Variants in PPTC7 observed in about 807,000 individuals in gnomAD.
PPTC7 encodes protein phosphatase PTC7 homolog.
Under a neutral mutation model 30.8 loss-of-function variants are expected in PPTC7, and 6 were observed. That is an observed-to-expected ratio of 0.19 (90% CI 0.11 to 0.38). PPTC7 has a LOEUF of 0.38. Among genes scored for constraint, PPTC7 ranks in the 10% least tolerant of loss-of-function variants. PPTC7 has a pLI of 1.00. For synonymous variants in PPTC7, 163 were observed against 168.1 expected (o/e 0.97, Z 0.23); for missense variants, 218 against 404.8 (o/e 0.54, Z 3.96).
At chr12:110,563,629 A>AT (rs200857501) in intron 1 of PPTC7, among the ~76,000 whole-genome samples, 2 of 151,838 alleles carry the variant, frequency 1.3e-5, no homozygotes, top group African/African-American at 4.8e-5. Flanking sequence ...AAAAAAAAAA[A>AT]GTGTGAAAAT....
At chr12:110,572,556 G>C (rs1421729758) in intron 1 of PPTC7, among the ~76,000 whole-genome samples, 8 of 152,364 alleles carry the variant, frequency 5.3e-5, no homozygotes. Flanking sequence ...GTGCAAACGT[G>C]TGTTGGAATT....
intron 1 of PPTC7, among the ~76,000 whole-genome samples, chr12:110,573,647 G>A (rs1323493351): frequency 6.6e-6 from 1 of 152,156 alleles, no homozygotes; most frequent in African/African-American, 2.4e-5. Flanking sequence ...CTTTTCTGAA[G>A]ATGTGTTACT....
At chr12:110,581,313 C>G (rs1210772953) in intron 1 of PPTC7, among the ~76,000 whole-genome samples, 1 of 152,026 alleles carries the variant, frequency 6.6e-6, no homozygotes, top group East Asian at 1.9e-4. Context: ...ACTCGGGAGG[C>G]TGAAGCAGGA....
chr12:110,548,378 C>A (rs770442504), intron 2 of PPTC7, among the ~76,000 whole-genome samples: 7 of 152,120 alleles, frequency 4.6e-5, no homozygotes, highest in Non-Finnish European at 1.0e-4. Flanking sequence ...CCCAGAAATT[C>A]CATTTCCTTG....
Position 110,582,998 on chromosome 12 carries a change from C to G in PPTC7, c.34G>C (p.Ala12Pro). The G allele has an allele frequency of 6.7e-7, 1 of 1,494,664 alleles. No individual in the cohort carries two copies. 92.6% of individuals were successfully genotyped at this position (1,494,664 alleles called of 1,614,324 possible). ...GAGAGGCCGCCGAGCACGGCGCGGGCCACCAGCCGCCCGTACGAGAGGACC... is the reference window on the plus strand; with the variant it reads ...GAGAGGCCGCCGAGCACGGCGCGGGGCACCAGCCGCCCGTACGAGAGGACC... ...FSVLSYGRLVARAVLGGLSQT... is the reference protein window; with the variant it reads ...FSVLSYGRLVPRAVLGGLSQT... The change falls in exon 1 of 6, where the codon GCC (alanine) becomes CCC (proline). Residue 12 changes from alanine (A) to proline (P), a missense_variant. Physicochemically the swap from Ala to Pro is conservative, Grantham distance 27. Coordinates refer to ENST00000354300, the MANE Select transcript of PPTC7 (RefSeq NM_139283.2).
intron 2 of PPTC7, among the ~76,000 whole-genome samples, chr12:110,549,398 A>C (rs994624704): frequency 6.6e-6 from 1 of 152,060 alleles, no homozygotes; most frequent in Middle Eastern, 3.2e-3. Context: ...TACCTAACTA[A>C]CTTATCTGGT....
chr12:110,542,673 C>CAAAAAAAAA (rs765332697), intron 3 of PPTC7, among the ~76,000 whole-genome samples: 6 of 26,788 alleles, frequency 2.2e-4, no homozygotes, highest in African/African-American at 7.1e-4. Context: ...GACTCTGTCT[C>CAAAAAAAAA]AAAAAAAAAA....
chr12:110,551,764 G>A (rs2064351147), intron 2 of PPTC7, 25 bp downstream of exon 2: 7 of 1,599,062 alleles, frequency 4.4e-6, no homozygotes, highest in Non-Finnish European at 6.0e-6. Flanking sequence ...TTCTTTAGAG[G>A]AAAACACATA....
chr12:110,575,899 T>C (rs1040033844), intron 1 of PPTC7, among the ~76,000 whole-genome samples: 1 of 152,094 alleles, frequency 6.6e-6, no homozygotes, highest in Non-Finnish European at 1.5e-5. Flanking sequence ...AAAATAAAGG[T>C]ACCTTAATAA....
rs544368765 is a variant in PPTC7, at chr12:110,555,098, C to T, written c.224-3130G>A. Among the ~76,000 whole-genome samples, 208 of 152,158 alleles carry T rather than the reference C, an allele frequency of 1.4e-3. 1 individual carries two copies. The highest frequency in any genetic ancestry group is 4.8e-3 in the African/African-American group (199 of 41,482). ...GTAGCAGAGTGCCTATATATACATCCCTGAAAAATTGGCTTAACATGAATT... is the reference window on the plus strand; with the variant it reads ...GTAGCAGAGTGCCTATATATACATCTCTGAAAAATTGGCTTAACATGAATT... On this transcript the variant is annotated intron_variant, in intron 1 of 5. Coordinates refer to ENST00000354300, the MANE Select transcript of PPTC7 (RefSeq NM_139283.2).
chr12:110,540,538 G>C (rs1371168057), intron 3 of PPTC7, among the ~76,000 whole-genome samples: 1 of 151,944 alleles, frequency 6.6e-6, no homozygotes, highest in Non-Finnish European at 1.5e-5. Flanking sequence ...TTTTAGTAGA[G>C]ACAGGGTTTT....
At chr12:110,580,987 T>C (rs1470715987) in intron 1 of PPTC7, among the ~76,000 whole-genome samples, 1 of 151,920 alleles carries the variant, frequency 6.6e-6, no homozygotes, top group Non-Finnish European at 1.5e-5. Flanking sequence ...CTTGACCTCA[T>C]GATCCACCCG....
rs534408112 is a variant in PPTC7, at chr12:110,542,699, A to G, written c.603-2754T>C. 2.0e-5 allele frequency among the ~76,000 whole-genome samples: 3 copies of G among 149,448 alleles called. No individual in the cohort carries two copies. The South Asian group carries it at 6.3e-4, about 31-fold the overall frequency. On this transcript the variant is annotated intron_variant, in intron 3 of 5. Coordinates refer to ENST00000354300, the MANE Select transcript of PPTC7 (RefSeq NM_139283.2). The stretch of plus-strand genomic sequence containing the variant: ...AAAAAAAAAAAAAAAAAAAAAAAAA[A>G]GAAAAAGAAACTAAAGAAACTGCTC...
chr12:110,549,339 G>A (rs1437340724), intron 2 of PPTC7, among the ~76,000 whole-genome samples: 1 of 151,922 alleles, frequency 6.6e-6, no homozygotes, highest in Non-Finnish European at 1.5e-5. Flanking sequence ...TTTTATATTG[G>A]AATTGCTTTG....
intron 2 of PPTC7, chr12:110,546,902 C>T (rs376369637): frequency 1.3e-5 from 2 of 152,168 alleles, no homozygotes; most frequent in African/African-American, 2.4e-5. Flanking sequence ...TCACTAGTAA[C>T]GCTTTTCACC....
In PPTC7 at chr12:110,583,063, G is replaced by A; in HGVS notation, c.-32C>T. ...CGCCGCCCCCCCGAGGAGGCGGGGG[G>A]CCGGGGGAGCAGGAGGACGCGGAGG... is the stretch of plus-strand genomic sequence containing the variant. On this transcript the variant is annotated 5_prime_UTR_variant, in exon 1 of 6. Transcript: ENST00000354300. 4 of 1,362,456 alleles carry A rather than the reference G, an allele frequency of 2.9e-6. No homozygotes were observed. Among genetic ancestry groups the A allele is most frequent in the Non-Finnish European group, 2.8e-6 (3 of 1,066,586 alleles). The allele number at this position is 1,362,456 out of a possible 1,614,324, so 84.4% of individuals were successfully genotyped here. A position where few individuals can be genotyped will look rare whatever the true frequency, so the allele number is the denominator to read the frequency against.
intron 3 of PPTC7, 76 bp downstream of exon 3, chr12:110,545,804 G>A: frequency 2.3e-6 from 3 of 1,299,142 alleles, no homozygotes; most frequent in Non-Finnish European, 3.3e-6. Flanking sequence ...CTACCTCACT[G>A]CACTCAAGGG....
intron 1 of PPTC7, among the ~76,000 whole-genome samples, chr12:110,556,548 C>T (rs1287465750): frequency 6.6e-6 from 1 of 152,120 alleles, no homozygotes; most frequent in East Asian, 1.9e-4. Context: ...GGAACTGATC[C>T]AGATATAAAG....
intron 2 of PPTC7, among the ~76,000 whole-genome samples, chr12:110,547,343 C>A (rs1233535920): frequency 6.6e-6 from 1 of 152,200 alleles, no homozygotes; most frequent in African/African-American, 2.4e-5. Context: ...ATGGGGCAAA[C>A]TACTTAACCT....
Sources: allele counts gnomAD v4.1 joint callset (sites outside exome capture counted in the v4.1 genomes callset), GRCh38; gene constraint gnomAD v4.1.1; transcripts MANE v1.5; gene names NCBI Gene and HGNC (gene_info 2026-07-23, HGNC 2026-07-21).